RNF150: variants seen among roughly 807,000 people sequenced by gnomAD.
The protein encoded by RNF150 is ring finger protein 150.
Under a neutral mutation model 39.3 loss-of-function variants are expected in RNF150, and 24 were observed. The ratio of observed to expected loss-of-function variants is 0.61; its 90% confidence interval spans 0.44 to 0.86. The LOEUF (loss-of-function observed/expected upper bound fraction) is 0.86. RNF150 is among the 40% of genes least tolerant of loss of function. The pLI, the probability that RNF150 is intolerant of heterozygous loss-of-function variation, is 0.00. For missense variants in RNF150, 502 were observed against 587.8 expected, an observed-to-expected ratio of 0.85 and a Z score of 1.51; for synonymous variants, 255 against 227.3, an observed-to-expected ratio of 1.12 and a Z score of -1.10.
At chr4:141,101,845 A>G (rs1739023419) in intron 1 of RNF150, among the ~76,000 whole-genome samples, 1 of 152,058 alleles carries the variant, frequency 6.6e-6, no homozygotes, top group Non-Finnish European at 1.5e-5. Flanking sequence ...GCAGTGGCAC[A>G]ATCTCGGCTC....
intron 2 of RNF150, among the ~76,000 whole-genome samples, chr4:140,952,417 G>C (rs906908199): frequency 6.6e-6 from 1 of 152,194 alleles, no homozygotes; most frequent in African/African-American, 2.4e-5. Context: ...CTTCTTAAAT[G>C]TGGGCATGTA....
chr4:141,205,192 A>G (rs1560778025), intron 1 of RNF150, among the ~76,000 whole-genome samples: 1 of 152,182 alleles, frequency 6.6e-6, no homozygotes. Flanking sequence ...AAATCATATT[A>G]ACTCATTTTG....
At chr4:141,018,617 C>T (rs1369378887) in intron 1 of RNF150, among the ~76,000 whole-genome samples, 1 of 152,092 alleles carries the variant, frequency 6.6e-6, no homozygotes, top group African/African-American at 2.4e-5. Context: ...CAGGCCCTTT[C>T]CTGTCACCTT....
At chr4:140,945,968 T>C (rs1465567563) in intron 4 of RNF150, among the ~76,000 whole-genome samples, 2 of 152,196 alleles carry the variant, frequency 1.3e-5, no homozygotes, top group African/African-American at 2.4e-5. Context: ...CAAGAGGCAT[T>C]CTGTAGTTCA....
Position 141,025,689 on chromosome 4 carries a change from G to A in RNF150, c.485-57816C>T, listed in dbSNP as rs187957120. Among the ~76,000 whole-genome samples the A allele has an allele frequency of 1.0e-3, 152 of 152,246 alleles. 1 individual carries two copies. In the Middle Eastern group the frequency reaches 0.024, roughly 24 times the overall value. The stretch of plus-strand genomic sequence containing the variant: ...ATAGCATAGGAGAAAGAGGACTAGA[G>A]TTAAAGCATTCTAAATTTCTTCTAA... On this transcript the variant is annotated intron_variant, in intron 1 of 6. Transcript: ENST00000515673.
intron 6 of RNF150, among the ~76,000 whole-genome samples, chr4:140,892,211 A>G (rs1729778431): frequency 6.6e-6 from 1 of 152,154 alleles, no homozygotes; most frequent in African/African-American, 2.4e-5. Flanking sequence ...ACACCTATAT[A>G]GCAATGTACG....
rs182426792 is a variant in RNF150, at chr4:141,077,421, A to G, written c.484+54904T>C. Among the ~76,000 whole-genome samples the G allele has an allele frequency of 3.3e-5, 5 of 152,356 alleles. No individual in the cohort carries two copies. In the East Asian group the frequency reaches 9.6e-4, roughly 29 times the overall value. On this transcript the variant is annotated intron_variant, in intron 1 of 6. Coordinates refer to ENST00000515673, the MANE Select transcript of RNF150 (RefSeq NM_020724.2). The stretch of plus-strand genomic sequence containing the variant: ...TATGTGACTGCAAACGGGCAGCACA[A>G]AAGCATTTTGGGGCTGATGGAACTG...
rs1173982542 is a variant in RNF150, at chr4:140,863,318, C to G, written c.*4943G>C. 6.6e-6 allele frequency: 1 copy of G among 152,052 alleles called. No homozygotes were observed. Among genetic ancestry groups the G allele is most frequent in the Non-Finnish European group, 1.5e-5 (1 of 68,034 alleles). 9.4% of individuals were successfully genotyped at this position (152,052 alleles called of 1,614,324 possible). On this transcript the variant is annotated 3_prime_UTR_variant, in exon 7 of 7. Transcript: ENST00000515673. ...CCAGAAAACATTTATGGCAAGGAAG[C>G]CTGAAAACATGGCAATGGTTGTAAG...
At chr4:140,896,745 T>G (rs1253842034) in intron 6 of RNF150, among the ~76,000 whole-genome samples, 2 of 149,966 alleles carry the variant, frequency 1.3e-5, no homozygotes, top group East Asian at 3.9e-4. Flanking sequence ...TTTTTTTCTT[T>G]AAAAAAGAAA....
At chr4:141,126,158 C>G (rs1044745949) in intron 1 of RNF150, among the ~76,000 whole-genome samples, 2 of 151,942 alleles carry the variant, frequency 1.3e-5, no homozygotes, top group Admixed American at 1.3e-4. Flanking sequence ...CATGGAAGAT[C>G]AAGACCAAGC....
At chr4:140,878,148 G>A (rs936393049) in intron 6 of RNF150, among the ~76,000 whole-genome samples, 1 of 147,968 alleles carries the variant, frequency 6.8e-6, no homozygotes, top group Non-Finnish European at 1.5e-5. Flanking sequence ...AACAGGTTAA[G>A]GTGATATCTC....
chr4:140,916,981 C>G (rs1264591505), intron 5 of RNF150, among the ~76,000 whole-genome samples: 1 of 152,122 alleles, frequency 6.6e-6, no homozygotes, highest in Non-Finnish European at 1.5e-5. Flanking sequence ...CCTTTACAGA[C>G]AAGCAAATGC....
At position 141,098,016 on chromosome 4, in the gene RNF150, G is replaced by A. The variant is rs571705659; in HGVS notation, c.484+34309C>T. ...CTTATGAAAATCCCTTGTAGATGGG[G>A]TGGGAGGAATCATACACATATAAAT... On this transcript the variant is annotated intron_variant, in intron 1 of 6. Transcript: ENST00000515673. 3.7e-4 allele frequency among the ~76,000 whole-genome samples: 56 copies of A among 152,212 alleles called. No homozygotes were observed. In the Middle Eastern group the frequency reaches 0.01, roughly 28 times the overall value.
At chr4:140,903,568 T>G (rs372632091) in intron 6 of RNF150, among the ~76,000 whole-genome samples, 1 of 152,226 alleles carries the variant, frequency 6.6e-6, no homozygotes, top group Non-Finnish European at 1.5e-5. Flanking sequence ...CCGAGATCCA[T>G]GCACAGTGTG....
intron 2 of RNF150, among the ~76,000 whole-genome samples, chr4:140,966,441 G>C (rs1733247821): frequency 1.3e-5 from 2 of 152,024 alleles, no homozygotes; most frequent in Non-Finnish European, 2.9e-5. Context: ...CTGAGGGGTG[G>C]TGAGGTGAAT....
At chr4:140,869,662 T>C (rs1728853504) in intron 6 of RNF150, among the ~76,000 whole-genome samples, 1 of 152,230 alleles carries the variant, frequency 6.6e-6, no homozygotes, top group African/African-American at 2.4e-5. Flanking sequence ...AAGAGGGCTA[T>C]GTAACCATAT....
intron 1 of RNF150, among the ~76,000 whole-genome samples, chr4:141,073,521 G>A (rs1311253061): frequency 3.9e-5 from 6 of 152,104 alleles, no homozygotes; most frequent in Non-Finnish European, 7.4e-5. Flanking sequence ...TAACACAGGC[G>A]AAGAGGACTC....
intron 1 of RNF150, among the ~76,000 whole-genome samples, chr4:141,147,747 T>C (rs1180133219): frequency 1.3e-5 from 2 of 151,892 alleles, no homozygotes; most frequent in Non-Finnish European, 2.9e-5. Context: ...AGAGAGAAAC[T>C]CAGAATGCAC....
In RNF150 at chr4:140,863,517, TA is replaced by T. The variant is rs1249644764; in HGVS notation, c.*4743del. 6.6e-6 allele frequency: 1 copy of T among 152,160 alleles called. No individual in the cohort carries two copies. Among genetic ancestry groups the T allele is most frequent in the Non-Finnish European group, 1.5e-5 (1 of 68,020 alleles). The allele number at this position is 152,160 out of a possible 1,614,324, so 9.4% of individuals were successfully genotyped here. A position where few individuals can be genotyped will look rare whatever the true frequency, so the allele number is the denominator to read the frequency against. On this transcript the variant is annotated 3_prime_UTR_variant, in exon 7 of 7. Coordinates refer to ENST00000515673, the MANE Select transcript of RNF150 (RefSeq NM_020724.2). ...GTAACAATGGTAATCACAATAATGA[TA>T]ATGACTCTGTAGGTATAGAACCTCC...
Sources: gnomAD v4.1 joint callset for allele counts (sites outside exome capture counted in the v4.1 genomes callset) on GRCh38, gnomAD v4.1.1 for gene constraint, MANE v1.5 for transcripts, NCBI Gene and HGNC (gene_info 2026-07-23, HGNC 2026-07-21) for gene names.